The following IL1F10 variants were observed in gnomAD, a reference collection of about 807,000 sequenced individuals.
IL1F10 encodes the protein interleukin-1 family member 10.
IL1F10 carries 13 observed loss-of-function variants against 13.1 expected under a neutral mutation model. The observed-to-expected ratio is 0.99, with a 90% CI of 0.64 to 1.57. The LOEUF (loss-of-function observed/expected upper bound fraction) is 1.57. Among genes scored for constraint, IL1F10 ranks in the 40% most tolerant of loss-of-function variants. The pLI, the probability that IL1F10 is intolerant of heterozygous loss-of-function variation, is 0.00. For missense variants in IL1F10, 191 were observed against 184.1 expected, an observed-to-expected ratio of 1.04 and a Z score of -0.22; for synonymous variants, 78 against 68.2, an observed-to-expected ratio of 1.14 and a Z score of -0.71.
chr2:113,071,128 G>A (rs926677422), intron 1 of IL1F10, among the ~76,000 whole-genome samples: 2 of 152,198 alleles, frequency 1.3e-5, no homozygotes, highest in Non-Finnish European at 2.9e-5. Context: ...GCAACAACAC[G>A]AGTAACATTT....
intron 2 of IL1F10, among the ~76,000 whole-genome samples, chr2:113,073,170 T>C (rs1685869597): frequency 6.6e-6 from 1 of 152,236 alleles, no homozygotes; most frequent in Non-Finnish European, 1.5e-5. Context: ...TGACAGCATC[T>C]TGATGGTGGT....
chr2:113,075,612 G>C lies in IL1F10; in HGVS notation c.*248G>C, dbSNP rs147412734. ...ATCACAAGAAGGAGGCAGGAAGGGA[G>C]AGTCAGAGAGAGAATGGAAGATACC... On this transcript the variant is annotated 3_prime_UTR_variant, in exon 5 of 5. Transcript: ENST00000341010. 60 of 313,194 alleles carry C rather than the reference G, an allele frequency of 1.9e-4. No homozygotes were observed. Among genetic ancestry groups the C allele is most frequent in the Non-Finnish European group, 3.1e-4 (54 of 171,894 alleles). The allele number at this position is 313,194 out of a possible 1,614,324, so 19.4% of individuals were successfully genotyped here.
intron 1 of IL1F10, among the ~76,000 whole-genome samples, chr2:113,068,305 C>T (rs144380267): frequency 7.9e-5 from 12 of 151,200 alleles, no homozygotes; most frequent in African/African-American, 2.9e-4. Context: ...GTATTCAAAC[C>T]GTGTTTGGTG....
At chr2:113,074,495 G>C in intron 3 of IL1F10, 81 bp downstream of exon 3, 1 of 1,228,552 alleles carries the variant, frequency 8.1e-7, no homozygotes, top group Non-Finnish European at 1.2e-6. Context: ...CCCAGCAGAG[G>C]GTCAGCAGCT....
chr2:113,068,009 A>T lies in IL1F10; in HGVS notation c.-36A>T, dbSNP rs578250484. 1 of 152,404 alleles carries T rather than the reference A, an allele frequency of 6.6e-6. No individual in the cohort carries two copies. The highest frequency in any genetic ancestry group is 1.9e-4 in the East Asian group (1 of 5,180). 9.4% of individuals were successfully genotyped at this position (152,404 alleles called of 1,614,324 possible). On this transcript the variant is annotated 5_prime_UTR_variant, in exon 1 of 5. Coordinates refer to ENST00000341010, the MANE Select transcript of IL1F10 (RefSeq NM_173161.3). Reference sequence around the variant, plus strand: ...GGGATCAGGGTTCCAGGAACTCAGGATCTGCAGGTCAGTGATGGACAGGCA... The same window carrying T: ...GGGATCAGGGTTCCAGGAACTCAGGTTCTGCAGGTCAGTGATGGACAGGCA...
intron 2 of IL1F10, among the ~76,000 whole-genome samples, chr2:113,073,063 C>T (rs1023275323): frequency 7.9e-5 from 12 of 152,310 alleles, no homozygotes; most frequent in African/African-American, 2.9e-4. Flanking sequence ...TCCCCCATGT[C>T]ACACAGCTAC....
intron 4 of IL1F10, 34 bp downstream of exon 4, chr2:113,074,884 C>T: frequency 6.2e-7 from 1 of 1,602,976 alleles, no homozygotes; most frequent in Non-Finnish European, 8.5e-7. Flanking sequence ...GGGGACACTG[C>T]AGACCTGGCC....
In IL1F10 at chr2:113,070,154, T is replaced by G. The variant is rs192680677; in HGVS notation, c.-29+2138T>G. ...TAGACTGAAGTTCAGTGAAAAGTCA[T>G]TTGAGGAAAATAGGGAGGGGAAGCT... On this transcript the variant is annotated intron_variant, in intron 1 of 4. Transcript: ENST00000341010. 1.1e-3 allele frequency among the ~76,000 whole-genome samples: 170 copies of G among 152,096 alleles called. 1 individual carries two copies. The highest frequency in any genetic ancestry group is 2.1e-3 in the Non-Finnish European group (141 of 67,978).
chr2:113,075,128 C>A, intron 4 of IL1F10, 24 bp from the exon 5 acceptor site: 1 of 1,575,012 alleles, frequency 6.3e-7, no homozygotes, highest in Non-Finnish European at 8.6e-7. Flanking sequence ...TCTCATTCTG[C>A]AGCCATCCAC....
At chr2:113,070,700 G>A (rs1685820754) in intron 1 of IL1F10, among the ~76,000 whole-genome samples, 1 of 152,192 alleles carries the variant, frequency 6.6e-6, no homozygotes, top group Non-Finnish European at 1.5e-5. Context: ...TGCTGGCCAG[G>A]AGGAACCAGC....
In IL1F10 at chr2:113,075,829, T is replaced by C. The variant is rs1685934298; in HGVS notation, c.*465T>C. The C allele has an allele frequency of 6.6e-6, 1 of 152,410 alleles. No individual in the cohort carries two copies. Among genetic ancestry groups the C allele is most frequent in the East Asian group, 1.9e-4 (1 of 5,200 alleles). The allele number at this position is 152,410 out of a possible 1,614,324, so 9.4% of individuals were successfully genotyped here. ...CCTCCACAACTATAAAATAATAAAC[T>C]TGTGTTATTGTAAACCTCTAAGTTT... On this transcript the variant is annotated 3_prime_UTR_variant, in exon 5 of 5. Coordinates refer to ENST00000341010, the MANE Select transcript of IL1F10 (RefSeq NM_173161.3).
intron 1 of IL1F10, among the ~76,000 whole-genome samples, chr2:113,071,642 T>C (rs991298837): frequency 6.6e-6 from 1 of 152,172 alleles, no homozygotes; most frequent in African/African-American, 2.4e-5. Context: ...GCTACAGCCC[T>C]GTTTCTGGAA....
rs767451803 is a variant in IL1F10, at chr2:113,075,166, G to A, written c.261G>A (p.Glu87=). The change falls in exon 5 of 5, where the codon GAG becomes GAA. Residue 87 remains glutamate, a synonymous_variant. Transcript: ENST00000341010. ...TGCCCCCACAGGATGTGAACATTGAGGAACTGTACAAAGGTGGTGAAGAGG... is the reference window on the plus strand; with the variant it reads ...TGCCCCCACAGGATGTGAACATTGAAGAACTGTACAAAGGTGGTGAAGAGG... ...PSLQLEDVNI[E]ELYKGGEEAT... 20 of 1,606,812 alleles carry A rather than the reference G, an allele frequency of 1.2e-5. No homozygotes were observed. The highest frequency in any genetic ancestry group is 1.5e-5 in the Non-Finnish European group (18 of 1,175,618).
chr2:113,074,873 AG>A (rs1417540901), intron 4 of IL1F10, 23 bp downstream of exon 4: 1 of 1,608,878 alleles, frequency 6.2e-7, no homozygotes, highest in Admixed American at 1.7e-5. Context: ...TCCCCATTCT[AG>A]GGGACACTGC....
At chr2:113,069,116 T>A (rs1053223003) in intron 1 of IL1F10, among the ~76,000 whole-genome samples, 12 of 152,172 alleles carry the variant, frequency 7.9e-5, no homozygotes, top group Non-Finnish European at 1.5e-4. Flanking sequence ...GGATGACTTT[T>A]GAGGCAGGGA....
intron 1 of IL1F10, among the ~76,000 whole-genome samples, chr2:113,068,403 A>G (rs1426062616): frequency 1.3e-5 from 2 of 151,356 alleles, no homozygotes; most frequent in African/African-American, 2.4e-5. Context: ...CAAGAGAAAT[A>G]CTAGCAGGGT....
rs754197219 is a variant in IL1F10 at position 113,074,361 on chromosome 2, C to A, written c.65C>A (p.Thr22Lys). The A allele has an allele frequency of 6.2e-7, 1 of 1,613,814 alleles. No homozygotes were observed. The highest frequency in any genetic ancestry group is 1.7e-5 in the Admixed American group (1 of 60,018). ...IKYADQKALY[T>K]RDGQLLVGDP... ...TATGCAGACCAGAAGGCTCTATACA[C>A]AAGAGATGGCCAGCTGCTGGTGGGA... is the stretch of plus-strand genomic sequence containing the variant. The change falls in exon 3 of 5, where the codon ACA becomes AAA. Residue 22 changes from threonine to lysine, a missense_variant. Thr to Lys is a moderately conservative substitution (Grantham distance 78). Transcript: ENST00000341010.
chr2:113,074,547 C>A lies in IL1F10; in HGVS notation c.118+133C>A, dbSNP rs28928296. ...AGAAGGGCCAGAGAGCAGCTGTGGC[C>A]TCTCCTAGCGAGGGGACATGACTCC... On this transcript the variant is annotated intron_variant, in intron 3 of 4. Transcript: ENST00000341010. 2.8e-3 allele frequency: 3,030 copies of A among 1,074,320 alleles called. 55 individuals are homozygous for A. The African/African-American group carries it at 0.042, about 15-fold the overall frequency. 66.5% of individuals were successfully genotyped at this position (1,074,320 alleles called of 1,614,324 possible).
intron 1 of IL1F10, 73 bp from the exon 2 acceptor site, chr2:113,072,638 C>G: frequency 2.9e-6 from 3 of 1,048,614 alleles, no homozygotes; most frequent in Non-Finnish European, 4.3e-6. Flanking sequence ...CTGAGTGGTT[C>G]TAAGCCCCAG....
Sources: gnomAD v4.1 joint callset for allele counts (sites outside exome capture counted in the v4.1 genomes callset) on GRCh38, gnomAD v4.1.1 for gene constraint, MANE v1.5 for transcripts, NCBI Gene and HGNC (gene_info 2026-07-23, HGNC 2026-07-21) for gene names.